Variants in SCD observed in about 807,000 individuals in gnomAD.
The protein encoded by SCD is stearoyl-CoA desaturase, also known as acyl-CoA desaturase.
SCD carries 4 observed loss-of-function variants against 35.7 expected under a neutral mutation model. That is an observed-to-expected ratio of 0.11 (90% CI 0.06 to 0.26). SCD has a LOEUF of 0.26. Ranked by LOEUF, SCD falls within the 10% of genes least tolerant of loss-of-function variation. The probability of loss-of-function intolerance (pLI) is 1.00; values close to 1 mark genes in which losing one functional copy is unlikely to be tolerated. For synonymous variants in SCD, 150 were observed against 170.2 expected (o/e 0.88, Z 0.92); for missense variants, 282 against 460.7 (o/e 0.61, Z 3.55).
Position 100,352,993 on chromosome 10 carries a change from A to AT in SCD, c.441+500dup, listed in dbSNP as rs397718591. Among the ~76,000 whole-genome samples, 1 of 151,158 alleles carries AT rather than the reference A, an allele frequency of 6.6e-6. No individual in the cohort carries two copies. The highest frequency in any genetic ancestry group is 2.4e-5 in the African/African-American group (1 of 40,950). ...ACAAGACCCCAACTTTAAAAAAAAA[A>AT]TTTCAAAAGTGAATAACTTAGGACT... On this transcript the variant is annotated intron_variant, in intron 3 of 5. Coordinates refer to ENST00000370355, the MANE Select transcript of SCD (RefSeq NM_005063.5). This position sits in a 1 kb window ranked among gnomAD's most constrained non-coding sequence, Gnocchi z 4.2.
rs535091618 is a variant in SCD at position 100,356,626 on chromosome 10, G to A, written c.742G>A (p.Val248Ile). The change falls in exon 5 of 6, where the codon GTT becomes ATT. Residue 248 changes from valine to isoleucine, a missense_variant. Coordinates refer to ENST00000370355, the MANE Select transcript of SCD (RefSeq NM_005063.5). This position sits in a 1 kb window ranked among gnomAD's most constrained non-coding sequence, Gnocchi z 4.1. Reference protein sequence around the residue: ...WGETFQNSVFVATFLRYAVVL... With the variant: ...WGETFQNSVFIATFLRYAVVL... Reference sequence around the variant, plus strand: ...TGAAACTTTTCAAAACAGTGTGTTCGTTGCCACTTTCTTGCGATATGCTGT... The same window carrying A: ...TGAAACTTTTCAAAACAGTGTGTTCATTGCCACTTTCTTGCGATATGCTGT... 49 of 1,614,180 alleles carry A rather than the reference G, an allele frequency of 3.0e-5. No individual in the cohort carries two copies. In the Admixed American group the frequency reaches 4.0e-4, roughly 13 times the overall value.
intron 2 of SCD, among the ~76,000 whole-genome samples, chr10:100,350,991 A>G (rs1386788867): frequency 6.6e-6 from 1 of 152,042 alleles, no homozygotes; most frequent in Non-Finnish European, 1.5e-5. Context: ...GGTTGGGGGG[A>G]AAAGGAGGTT....
chr10:100,351,769 T>A (rs1849875333), intron 2 of SCD, among the ~76,000 whole-genome samples: 1 of 152,106 alleles, frequency 6.6e-6, no homozygotes, highest in South Asian at 2.1e-4. Context: ...ACCTCTTGAG[T>A]AGCTGAGACC....
Position 100,352,344 on chromosome 10 carries a change from C to T in SCD, c.311-22C>T, listed in dbSNP as rs1306663825. 1 of 1,611,010 alleles carries T rather than the reference C, an allele frequency of 6.2e-7. No individual in the cohort carries two copies. Among genetic ancestry groups the T allele is most frequent in the East Asian group, 2.2e-5 (1 of 44,856 alleles). ...TGGAACTCACACTGATTGGTGACTC[C>T]CCCACTGTCTTCTCCTGGCAGGGGT... On this transcript the variant is annotated intron_variant, in intron 2 of 5. Coordinates refer to ENST00000370355, the MANE Select transcript of SCD (RefSeq NM_005063.5). This position sits in a 1 kb window ranked among gnomAD's most constrained non-coding sequence, Gnocchi z 4.2.
rs768958221 is a variant in SCD at position 100,348,241 on chromosome 10, G to A, written c.205G>A (p.Val69Ile). Residue 69 changes from valine (V) to isoleucine (I), a missense_variant, in exon 2 of 6, where the codon GTT becomes ATT. Physicochemically the swap from Val to Ile is conservative, Grantham distance 29 (BLOSUM62 3). Transcript: ENST00000370355. ...GGATAAGGAAGGCCCAAGCCCCAAGGTTGAATATGTCTGGAGAAACATCAT... is the reference window on the plus strand; with the variant it reads ...GGATAAGGAAGGCCCAAGCCCCAAGATTGAATATGTCTGGAGAAACATCAT... ...YKDKEGPSPK[V>I]EYVWRNIILM... The A allele has an allele frequency of 6.2e-7, 1 of 1,614,126 alleles. No individual in the cohort carries two copies. Among genetic ancestry groups the A allele is most frequent in the East Asian group, 2.2e-5 (1 of 44,874 alleles).
Position 100,364,397 on chromosome 10 carries a change from A to G in SCD, c.*3464A>G, listed in dbSNP as rs1850020225. On this transcript the variant is annotated 3_prime_UTR_variant, in exon 6 of 6. Coordinates refer to ENST00000370355, the MANE Select transcript of SCD (RefSeq NM_005063.5). ...AAAATGGGGATAATAATACTGACCT[A>G]CCTCAAAGGGCAGTTTTGAGGCATG... The G allele has an allele frequency of 6.6e-6, 1 of 152,610 alleles. No homozygotes were observed. The highest frequency in any genetic ancestry group is 2.1e-4 in the South Asian group (1 of 4,830). 9.5% of individuals were successfully genotyped at this position (152,610 alleles called of 1,614,324 possible).
intron 5 of SCD, among the ~76,000 whole-genome samples, chr10:100,359,411 T>C (rs1180983046): frequency 6.6e-6 from 1 of 152,238 alleles, no homozygotes; most frequent in Non-Finnish European, 1.5e-5. Context: ...CTGTCTTCTT[T>C]CTACCCGTTG....
In SCD at chr10:100,356,777, T is replaced by A; in HGVS notation, c.880+13T>A. The A allele has an allele frequency of 1.2e-6, 2 of 1,603,118 alleles. No individual in the cohort carries two copies. Among genetic ancestry groups the A allele is most frequent in the Non-Finnish European group, 1.7e-6 (2 of 1,170,224 alleles). Reference sequence around the variant, plus strand: ...CTTGGAGCTGTGGGTAAGTCAGCTGTCCAAGTAAGACTACATCCAGTGGTC... The same window carrying A: ...CTTGGAGCTGTGGGTAAGTCAGCTGACCAAGTAAGACTACATCCAGTGGTC... On this transcript the variant is annotated intron_variant, in intron 5 of 5. Transcript: ENST00000370355. This position sits in a 1 kb window ranked among gnomAD's most constrained non-coding sequence, Gnocchi z 4.1.
At chr10:100,354,796 G>A (rs950504618) in intron 4 of SCD, among the ~76,000 whole-genome samples, 164 bp downstream of exon 4, 11 of 152,180 alleles carry the variant, frequency 7.2e-5, no homozygotes, top group African/African-American at 9.7e-5. Flanking sequence ...CCACGGGCCC[G>A]TAGCCATAGA....
In SCD at chr10:100,352,844, C is replaced by G. The variant is rs578234059; in HGVS notation, c.441+348C>G. Among the ~76,000 whole-genome samples, 1 of 152,276 alleles carries G rather than the reference C, an allele frequency of 6.6e-6. No individual in the cohort carries two copies. The highest frequency in any genetic ancestry group is 2.4e-5 in the African/African-American group (1 of 41,568). On this transcript the variant is annotated intron_variant, in intron 3 of 5. Transcript: ENST00000370355. The surrounding 1 kb of genome is among the most constrained non-coding windows in gnomAD (Gnocchi z 4.2). ...CTGACCTTAGATTCCTGGGCAGACA[C>G]TGGACAATAAATTCACTATTTAAGG...
At chr10:100,357,503 C>T (rs1401902448) in intron 5 of SCD, among the ~76,000 whole-genome samples, 1 of 152,100 alleles carries the variant, frequency 6.6e-6, no homozygotes, top group East Asian at 1.9e-4. Context: ...CTATTTTTCT[C>T]TCTTCTACTT....
At position 100,352,716 on chromosome 10, in the gene SCD, C is replaced by T. The variant is rs1389589116; in HGVS notation, c.441+220C>T. ...AACTGGAAGATAATTGGAAAATACTCCTGATGTGTAGGAATATTTTTGATC... is the reference window on the plus strand; with the variant it reads ...AACTGGAAGATAATTGGAAAATACTTCTGATGTGTAGGAATATTTTTGATC... On this transcript the variant is annotated intron_variant, in intron 3 of 5. Transcript: ENST00000370355. The surrounding 1 kb of genome is among the most constrained non-coding windows in gnomAD (Gnocchi z 4.2). 6.6e-6 allele frequency among the ~76,000 whole-genome samples: 1 copy of T among 152,184 alleles called. No individual in the cohort carries two copies. Among genetic ancestry groups the T allele is most frequent in the Non-Finnish European group, 1.5e-5 (1 of 68,036 alleles).
chr10:100,354,719 A>G, intron 4 of SCD, 87 bp downstream of exon 4: 1 of 1,048,464 alleles, frequency 9.5e-7, no homozygotes, highest in Admixed American at 2.2e-5. Flanking sequence ...CTTTCAAAAT[A>G]TAAGCTGAGA....
chr10:100,354,018 G>C (rs562586138), intron 3 of SCD, among the ~76,000 whole-genome samples: 1 of 152,334 alleles, frequency 6.6e-6, no homozygotes, highest in African/African-American at 2.4e-5. Context: ...TCTACTGATT[G>C]AGACCCTAGG....
rs562916412 is a variant in SCD at position 100,347,326 on chromosome 10, T to C, written c.-179T>C. 79 of 712,012 alleles carry C rather than the reference T, an allele frequency of 1.1e-4. No homozygotes were observed. In the South Asian group the frequency reaches 1.2e-3, roughly 11 times the overall value. The allele number at this position is 712,012 out of a possible 1,614,324, so 44.1% of individuals were successfully genotyped here. A position where few individuals can be genotyped will look rare whatever the true frequency, so the allele number is the denominator to read the frequency against. On this transcript the variant is annotated 5_prime_UTR_variant, in exon 1 of 6. Coordinates refer to ENST00000370355, the MANE Select transcript of SCD (RefSeq NM_005063.5). ...GTCACCCGTTGCCAGCTCTAGCCTT[T>C]AAATTCCCGGCTCGGGGACCTCCAC... is the stretch of plus-strand genomic sequence containing the variant.
chr10:100,351,826 G>C (rs1231116301), intron 2 of SCD, among the ~76,000 whole-genome samples: 1 of 152,140 alleles, frequency 6.6e-6, no homozygotes, highest in Non-Finnish European at 1.5e-5. Context: ...ATTATCTGTA[G>C]AGGCAAGGTC....
At chr10:100,358,635 G>C (rs1023935986) in intron 5 of SCD, among the ~76,000 whole-genome samples, 1 of 148,394 alleles carries the variant, frequency 6.7e-6, no homozygotes, top group Non-Finnish European at 1.5e-5. Flanking sequence ...TTGTCTAGGC[G>C]TGGTGGCTCA....
chr10:100,355,127 A>G (rs893873191), intron 4 of SCD, among the ~76,000 whole-genome samples: 1 of 152,304 alleles, frequency 6.6e-6, no homozygotes, highest in Non-Finnish European at 1.5e-5. Flanking sequence ...CTCACTCACT[A>G]TATTGCCCAG....
intron 1 of SCD, 46 bp downstream of exon 1, chr10:100,347,577 G>C: frequency 1.2e-6 from 2 of 1,611,766 alleles, no homozygotes; most frequent in Non-Finnish European, 8.5e-7. Flanking sequence ...GCAGGCGCGG[G>C]CTGGGCTTCC....
Sources: allele counts gnomAD v4.1 joint callset (sites outside exome capture counted in the v4.1 genomes callset), GRCh38; gene constraint gnomAD v4.1.1; non-coding constraint Gnocchi (gnomAD v3.1); transcripts MANE v1.5; gene names NCBI Gene and HGNC (gene_info 2026-07-23, HGNC 2026-07-21).